Variants in RGS20 observed in about 807,000 individuals in gnomAD.
RGS20 encodes the protein regulator of G protein signaling 20.
RGS20 carries 30 observed loss-of-function variants against 33.6 expected under a neutral mutation model. That is an observed-to-expected ratio of 0.89 (90% confidence interval 0.67 to 1.21). The LOEUF (loss-of-function observed/expected upper bound fraction) is 1.21, where lower values mean the gene tolerates loss of function less well. RGS20 is among the 50% of genes most tolerant of loss of function. RGS20 has a pLI of 0.00. For synonymous variants in RGS20, 208 were observed against 197.9 expected, an observed-to-expected ratio of 1.05 and a Z score of -0.43; for missense variants, 472 against 502.4, an observed-to-expected ratio of 0.94 and a Z score of 0.58.
chr8:53,940,848 G>T (rs1192419326), intron 3 of RGS20, among the ~76,000 whole-genome samples: 2 of 152,244 alleles, frequency 1.3e-5, no homozygotes, highest in African/African-American at 4.8e-5. Context: ...AGAGGCGCTG[G>T]TGGTGGGCAG....
At chr8:53,881,152 A>C in intron 2 of RGS20, 68 bp downstream of exon 1, 1 of 1,239,982 alleles carries the variant, frequency 8.1e-7, no homozygotes, top group African/African-American at 1.6e-5. Context: ...CGTGCTGGAA[A>C]GTGGCCGAGG....
At chr8:53,917,374 C>A (rs13269637) in intron 2 of RGS20, among the ~76,000 whole-genome samples, 2,480 of 152,218 alleles carry the variant, frequency 0.016, 31 homozygotes, top group Non-Finnish European at 0.025. Flanking sequence ...GTCTGGAACT[C>A]CTGACCTCAG....
intron 1 of RGS20, among the ~76,000 whole-genome samples, chr8:53,871,603 TGA>T (rs986488689): frequency 3.3e-5 from 5 of 150,372 alleles, no homozygotes; most frequent in African/African-American, 1.2e-4. Context: ...GGTGACAGAG[TGA>T]GAGTCCATCT....
At chr8:53,945,729 A>G (rs1420331619) in intron 3 of RGS20, among the ~76,000 whole-genome samples, 4 of 152,142 alleles carry the variant, frequency 2.6e-5, no homozygotes, top group Non-Finnish European at 2.9e-5. Flanking sequence ...CAGCCTGGCC[A>G]ACATGGTGAA....
At chr8:53,896,529 G>A (rs940556912) in intron 2 of RGS20, among the ~76,000 whole-genome samples, 2 of 151,994 alleles carry the variant, frequency 1.3e-5, no homozygotes, top group African/African-American at 4.8e-5. Context: ...ATAAGTGTGG[G>A]GTATTACTAA....
intron 2 of RGS20, among the ~76,000 whole-genome samples, chr8:53,922,248 T>C (rs1281926529): frequency 6.6e-6 from 1 of 152,208 alleles, no homozygotes; most frequent in Non-Finnish European, 1.5e-5. Context: ...CTTTTATCAT[T>C]ATAAAATGTC....
intron 1 of RGS20, among the ~76,000 whole-genome samples, chr8:53,873,770 G>GA (rs1036123625): frequency 2.0e-5 from 3 of 152,018 alleles, no homozygotes; most frequent in Admixed American, 6.6e-5. Context: ...AAGTGCTATA[G>GA]AAAAAAAACT....
chr8:53,948,109 T>C (rs2129292459), intron 4 of RGS20, among the ~76,000 whole-genome samples: 1 of 135,558 alleles, frequency 7.4e-6, no homozygotes, highest in East Asian at 2.1e-4. Context: ...ATATATGCTA[T>C]ATATAAGATG....
intron 2 of RGS20, among the ~76,000 whole-genome samples, chr8:53,936,908 T>C (rs1814151772): frequency 6.6e-6 from 1 of 152,038 alleles, no homozygotes; most frequent in South Asian, 2.1e-4. Context: ...TATAGACCAA[T>C]GGAACAGAAC....
At chr8:53,899,339 T>C (rs549688346) in intron 2 of RGS20, among the ~76,000 whole-genome samples, 3 of 152,322 alleles carry the variant, frequency 2.0e-5, no homozygotes, top group African/African-American at 7.2e-5. Context: ...AGCAGGCAGC[T>C]GACTTATGTC....
At chr8:53,921,486 G>C (rs1039375848) in intron 2 of RGS20, among the ~76,000 whole-genome samples, 8 of 150,650 alleles carry the variant, frequency 5.3e-5, no homozygotes, top group African/African-American at 2.0e-4. Flanking sequence ...ACAGATCTGG[G>C]CTTTCCTTTG....
intron 1 of RGS20, among the ~76,000 whole-genome samples, chr8:53,863,232 C>A (rs1811847516): frequency 6.6e-6 from 1 of 152,104 alleles, no homozygotes. Flanking sequence ...GGTGATCCGC[C>A]CGCCTCGGCC....
At chr8:53,903,033 G>T (rs1198935020) in intron 2 of RGS20, among the ~76,000 whole-genome samples, 2 of 152,114 alleles carry the variant, frequency 1.3e-5, no homozygotes, top group Non-Finnish European at 2.9e-5. Context: ...AGCCCAAAAT[G>T]ATTGATTCTT....
intron 1 of RGS20, among the ~76,000 whole-genome samples, chr8:53,875,429 CAA>C (rs755991643): frequency 1.0e-3 from 56 of 55,700 alleles, no homozygotes; most frequent in African/African-American, 2.2e-3. Context: ...AAGACTCTGT[CAA>C]AAAAAAAAAA....
chr8:53,933,770 T>C (rs1248622428), intron 2 of RGS20: 1 of 152,194 alleles, frequency 6.6e-6, no homozygotes, highest in African/African-American at 2.4e-5. Context: ...ACCACGAAGA[T>C]ATTCCTCGTA....
At chr8:53,894,862 C>A (rs1253055308) in intron 2 of RGS20, among the ~76,000 whole-genome samples, 2 of 152,092 alleles carry the variant, frequency 1.3e-5, no homozygotes. Context: ...AATATTTAGA[C>A]CCTGATAGAG....
At chr8:53,883,108 G>T (rs57553178) in intron 2 of RGS20, among the ~76,000 whole-genome samples, 22,563 of 151,490 alleles carry the variant, frequency 0.15, 3,684 homozygotes, top group African/African-American at 0.39. Context: ...TAATTTTTTT[G>T]GGGGTCTCAT....
intron 2 of RGS20, among the ~76,000 whole-genome samples, chr8:53,931,989 G>C (rs182536604): frequency 7.2e-5 from 11 of 152,302 alleles, no homozygotes; most frequent in African/African-American, 2.4e-4. Flanking sequence ...TGTCTGTAAA[G>C]GATTTCATTT....
Position 53,879,610 on chromosome 8 carries a change from C to A in RGS20, c.510+8C>A. 6.8e-7 allele frequency: 1 copy of A among 1,477,530 alleles called. No individual in the cohort carries two copies. Among genetic ancestry groups the A allele is most frequent in the South Asian group, 1.4e-5 (1 of 71,604 alleles). The allele number at this position is 1,477,530 out of a possible 1,614,324, so 91.5% of individuals were successfully genotyped here. A position where few individuals can be genotyped will look rare whatever the true frequency, so the allele number is the denominator to read the frequency against. The stretch of plus-strand genomic sequence containing the variant: ...CAGAGCTCGCCTATGCCGGTGAGTA[C>A]CGTGGTCTCCACTACGCCCCACACC... On this transcript the variant is annotated splice_region_variant and intron_variant, in intron 2 of 5. Coordinates refer to ENST00000297313, the MANE Select transcript of RGS20 (RefSeq NM_170587.4).
Sources: gnomAD v4.1 joint callset for allele counts (sites outside exome capture counted in the v4.1 genomes callset) on GRCh38, gnomAD v4.1.1 for gene constraint, MANE v1.5 for transcripts, NCBI Gene and HGNC (gene_info 2026-07-23, HGNC 2026-07-21) for gene names.